Variants in PPIL1 observed in about 807,000 individuals in gnomAD.
The protein encoded by PPIL1 is peptidyl-prolyl cis-trans isomerase-like 1.
A neutral mutation model predicts 19.4 loss-of-function variants in PPIL1; 14 were observed. The ratio of observed to expected loss-of-function variants is 0.72; its 90% CI spans 0.48 to 1.13. The LOEUF is 1.13. PPIL1 is among the 50% of genes most tolerant of loss of function. The pLI is 0.00. For synonymous variants in PPIL1, 72 were observed against 73.6 expected, an observed-to-expected ratio of 0.98 and a Z score of 0.11; for missense variants, 192 against 218.0, an observed-to-expected ratio of 0.88 and a Z score of 0.75.
At chr6:36,858,324 T>C (rs973261776) in intron 2 of PPIL1, among the ~76,000 whole-genome samples, 2 of 143,392 alleles carry the variant, frequency 1.4e-5, no homozygotes, top group African/African-American at 5.1e-5. Flanking sequence ...TCCTAACCAA[T>C]ACTAATCAAT....
chr6:36,855,216 C>T lies in PPIL1; in HGVS notation c.*597G>A, dbSNP rs1276409069. The T allele has an allele frequency of 6.5e-6, 1 of 152,780 alleles. No individual in the cohort carries two copies. The highest frequency in any genetic ancestry group is 2.4e-5 in the African/African-American group (1 of 41,444). The allele number at this position is 152,780 out of a possible 1,614,324, so 9.5% of individuals were successfully genotyped here. A position where few individuals can be genotyped will look rare whatever the true frequency, so the allele number is the denominator to read the frequency against. ...ATTGTTGGATGTGTTTTTCATTTGG[C>T]AAAAATTCAATGTGGCTTTGCGTGG... On this transcript the variant is annotated 3_prime_UTR_variant, in exon 4 of 4. Coordinates refer to ENST00000373699, the MANE Select transcript of PPIL1 (RefSeq NM_016059.5).
rs1177445077 is a variant in PPIL1, at chr6:36,874,594, G to A, written c.56+123C>T. ...CAACCCTCTGGGGGCCGTCTCGGCCGCTGCTCCACGCCCCTCCACGTGGAG... is the reference window on the plus strand; with the variant it reads ...CAACCCTCTGGGGGCCGTCTCGGCCACTGCTCCACGCCCCTCCACGTGGAG... On this transcript the variant is annotated intron_variant, in intron 1 of 3. Transcript: ENST00000373699. 9.8e-6 allele frequency: 13 copies of A among 1,325,976 alleles called. No homozygotes were observed. The African/African-American group carries it at 1.8e-4, about 18-fold the overall frequency. 82.1% of individuals were successfully genotyped at this position (1,325,976 alleles called of 1,614,324 possible).
At chr6:36,871,944 C>G in intron 1 of PPIL1, 72 bp from the exon 2 acceptor site, 1 of 1,322,566 alleles carries the variant, frequency 7.6e-7, no homozygotes, top group Non-Finnish European at 1.0e-6. Flanking sequence ...TGGAACTGCT[C>G]CAGGACTCTT....
intron 2 of PPIL1, among the ~76,000 whole-genome samples, chr6:36,857,423 C>A (rs930907658): frequency 6.6e-6 from 1 of 152,106 alleles, no homozygotes; most frequent in Admixed American, 6.5e-5. Context: ...GAAGCTGAGG[C>A]AGGAGGACTG....
At chr6:36,857,061 C>T (rs903785593) in intron 2 of PPIL1, among the ~76,000 whole-genome samples, 1 of 151,980 alleles carries the variant, frequency 6.6e-6, no homozygotes, top group Non-Finnish European at 1.5e-5. Flanking sequence ...GACATGAGTG[C>T]CCCAAGTCCT....
At position 36,854,867 on chromosome 6, in the gene PPIL1, T is replaced by C. The variant is rs1429393658; in HGVS notation, c.*946A>G. 6.6e-6 allele frequency: 1 copy of C among 152,652 alleles called. No homozygotes were observed. Among genetic ancestry groups the C allele is most frequent in the Admixed American group, 6.5e-5 (1 of 15,292 alleles). 9.5% of individuals were successfully genotyped at this position (152,652 alleles called of 1,614,324 possible). ...TGGCATTTTATTGTGGAAGTTTCTA[T>C]GTATTACATAGGTATTAACTTCCTT... On this transcript the variant is annotated 3_prime_UTR_variant, in exon 4 of 4. Coordinates refer to ENST00000373699, the MANE Select transcript of PPIL1 (RefSeq NM_016059.5).
intron 2 of PPIL1, among the ~76,000 whole-genome samples, chr6:36,867,289 C>G (rs963234913): frequency 6.6e-6 from 1 of 152,128 alleles, no homozygotes; most frequent in African/African-American, 2.4e-5. Context: ...CACATGCTCC[C>G]AACACCCAAT....
chr6:36,864,932 C>T (rs1315686220), intron 2 of PPIL1, among the ~76,000 whole-genome samples: 1 of 152,036 alleles, frequency 6.6e-6, no homozygotes. Context: ...TAGAAGAGTG[C>T]CTGGCCTACA....
At position 36,855,179 on chromosome 6, in the gene PPIL1, C is replaced by T. The variant is rs1774141637; in HGVS notation, c.*634G>A. On this transcript the variant is annotated 3_prime_UTR_variant, in exon 4 of 4. Transcript: ENST00000373699. ...ATTATTATTCCCCACTTGACACCTT[C>T]TTAGAAACTTGATTGTTGGATGTGT... 2 of 153,168 alleles carry T rather than the reference C, an allele frequency of 1.3e-5. No homozygotes were observed. The highest frequency in any genetic ancestry group is 4.8e-5 in the African/African-American group (2 of 41,432). The allele number at this position is 153,168 out of a possible 1,614,324, so 9.5% of individuals were successfully genotyped here.
chr6:36,867,102 G>C (rs1774410242), intron 2 of PPIL1, among the ~76,000 whole-genome samples: 1 of 152,174 alleles, frequency 6.6e-6, no homozygotes, highest in African/African-American at 2.4e-5. Context: ...CTCAACCCGT[G>C]TGCGGCCCAT....
chr6:36,860,121 G>A (rs934277506), intron 2 of PPIL1, among the ~76,000 whole-genome samples: 7 of 150,252 alleles, frequency 4.7e-5, no homozygotes, highest in African/African-American at 9.7e-5. Flanking sequence ...CACCACACCC[G>A]GCCAAGACCT....
At chr6:36,865,518 G>A (rs1431953586) in intron 2 of PPIL1, among the ~76,000 whole-genome samples, 3 of 152,104 alleles carry the variant, frequency 2.0e-5, no homozygotes, top group African/African-American at 2.4e-5. Context: ...CGGGGGTGGC[G>A]GGCTCCCTCC....
In PPIL1 at chr6:36,865,917, C is replaced by T. The variant is rs1209702542; in HGVS notation, c.211+5801G>A. ...ATACTCATCAAATGAATAAAATTAA[C>T]AGAGCTTGCTGTTCAACACGTTACA... On this transcript the variant is annotated intron_variant, in intron 2 of 3. Coordinates refer to ENST00000373699, the MANE Select transcript of PPIL1 (RefSeq NM_016059.5). Among the ~76,000 whole-genome samples, 5 of 152,334 alleles carry T rather than the reference C, an allele frequency of 3.3e-5. No homozygotes were observed. In the South Asian group the frequency reaches 1.0e-3, roughly 32 times the overall value.
chr6:36,874,576 C>G (rs376803178), intron 1 of PPIL1, 141 bp downstream of exon 1: 12 of 1,181,000 alleles, frequency 1.0e-5, no homozygotes, highest in East Asian at 5.1e-5. Flanking sequence ...TCTCAACCCT[C>G]TGGGGGCCGT....
At chr6:36,868,855 A>G (rs1295300216) in intron 2 of PPIL1, among the ~76,000 whole-genome samples, 1 of 152,100 alleles carries the variant, frequency 6.6e-6, no homozygotes, top group East Asian at 1.9e-4. Context: ...AAACAACAAC[A>G]ACAACAACAA....
chr6:36,874,753 T>C lies in PPIL1; in HGVS notation c.20A>G (p.Asp7Gly), dbSNP rs1774602969. The change falls in exon 1 of 4, where the codon GAT becomes GGT. Residue 7 changes from aspartate (D) to glycine (G), a missense_variant. Transcript: ENST00000373699. Reference sequence around the variant, plus strand: ...GTAAACGTTGGGTGGCTGCCAGGAATCTGGGGGAATTGCCGCCATAGCGAA... The same window carrying C: ...GTAAACGTTGGGTGGCTGCCAGGAACCTGGGGGAATTGCCGCCATAGCGAA... The part of the protein sequence containing the change: MAAIPP[D>G]SWQPPNVYLE... 1 of 1,614,014 alleles carries C rather than the reference T, an allele frequency of 6.2e-7. No homozygotes were observed. Among genetic ancestry groups the C allele is most frequent in the African/African-American group, 1.3e-5 (1 of 74,946 alleles).
intron 3 of PPIL1, 121 bp from the exon 4 acceptor site, chr6:36,856,154 C>G: frequency 7.9e-6 from 8 of 1,014,252 alleles, no homozygotes; most frequent in Non-Finnish European, 1.2e-5. Flanking sequence ...CTGTCCAGAC[C>G]CAGACAACCC....
intron 2 of PPIL1, among the ~76,000 whole-genome samples, chr6:36,859,811 T>TTTTGTGTGTGTGTGTGTGTGTGTGTGTG (rs112797928): frequency 5.5e-5 from 8 of 144,990 alleles, no homozygotes; most frequent in African/African-American, 1.3e-4. Flanking sequence ...CTGTTTTCTA[T>TTTTGTGTGTGTGTGTGTGTGTGTGTGTG]TGTGTGTGTG....
chr6:36,864,802 TC>T (rs1332437404), intron 2 of PPIL1, among the ~76,000 whole-genome samples: 1 of 152,194 alleles, frequency 6.6e-6, no homozygotes, highest in Non-Finnish European at 1.5e-5. Context: ...AGCAGTACAT[TC>T]TTTTTTCCAT....
Sources: gnomAD v4.1 joint callset for allele counts (sites outside exome capture counted in the v4.1 genomes callset) on GRCh38, gnomAD v4.1.1 for gene constraint, MANE v1.5 for transcripts, NCBI Gene and HGNC (gene_info 2026-07-23, HGNC 2026-07-21) for gene names.